ANKRD28: variants seen among roughly 807,000 people sequenced by gnomAD.
The protein encoded by ANKRD28 is ankyrin repeat domain 28, also known as serine/threonine-protein phosphatase 6 regulatory ankyrin repeat subunit A.
Under a neutral mutation model 126.5 loss-of-function variants are expected in ANKRD28, and 44 were observed. That is an observed-to-expected ratio of 0.35 (90% CI 0.27 to 0.45). ANKRD28 has a LOEUF of 0.45. Among genes scored for constraint, ANKRD28 ranks in the 20% least tolerant of loss-of-function variants. The pLI, the probability that ANKRD28 is intolerant of heterozygous loss-of-function variation, is 1.00. For missense variants in ANKRD28, 1,110 were observed against 1,316.6 expected, an observed-to-expected ratio of 0.84 and a Z score of 2.43; for synonymous variants, 442 against 468.5, an observed-to-expected ratio of 0.94 and a Z score of 0.73.
chr3:15,823,851 A>G (rs1355619322), intron 1 of ANKRD28, among the ~76,000 whole-genome samples: 1 of 152,248 alleles, frequency 6.6e-6, no homozygotes, highest in Non-Finnish European at 1.5e-5. Context: ...AAGCATTTAT[A>G]AAATCCACTA....
intron 1 of ANKRD28, among the ~76,000 whole-genome samples, chr3:15,831,088 C>A (rs2061178363): frequency 6.6e-6 from 1 of 152,144 alleles, no homozygotes; most frequent in Non-Finnish European, 1.5e-5. Flanking sequence ...CACCTTTACC[C>A]ACTGTTGGTT....
At chr3:15,791,707 A>G (rs756010627) in intron 2 of ANKRD28, among the ~76,000 whole-genome samples, 1 of 152,192 alleles carries the variant, frequency 6.6e-6, no homozygotes, top group East Asian at 1.9e-4. Flanking sequence ...TTCTTGAGCA[A>G]TAGCCCACAA....
At chr3:15,801,740 T>C (rs1197886823), upstream of ANKRD28, among the ~76,000 whole-genome samples, 2 of 152,188 alleles carry the variant, frequency 1.3e-5, no homozygotes, top group Non-Finnish European at 2.9e-5. The surrounding 1 kb of genome is among the most constrained non-coding windows in gnomAD (Gnocchi z 4.9). Flanking sequence ...TATGTGATTA[T>C]TAGAGCCACT....
chr3:15,765,437 AC>A (rs2058691505), intron 3 of ANKRD28, among the ~76,000 whole-genome samples: 1 of 152,162 alleles, frequency 6.6e-6, no homozygotes, highest in Non-Finnish European at 1.5e-5. Flanking sequence ...ACTATTTCTT[AC>A]TGTCTCCACT....
intron 2 of ANKRD28, among the ~76,000 whole-genome samples, chr3:15,782,003 T>C (rs2059560943): frequency 6.6e-6 from 1 of 152,132 alleles, no homozygotes; most frequent in Non-Finnish European, 1.5e-5. Context: ...CTTTTCTTCC[T>C]TACTACTCTT....
intron 8 of ANKRD28, among the ~76,000 whole-genome samples, chr3:15,714,984 T>C (rs994045405): frequency 6.6e-6 from 1 of 152,166 alleles, no homozygotes; most frequent in African/African-American, 2.4e-5. Flanking sequence ...GAATCCTTCC[T>C]TGACCAAGTA....
rs2069289840 is a variant in ANKRD28 at position 15,694,729 on chromosome 3, C to A, written c.1761+10G>T. 1 of 1,612,014 alleles carries A rather than the reference C, an allele frequency of 6.2e-7. No individual in the cohort carries two copies. The highest frequency in any genetic ancestry group is 8.5e-7 in the Non-Finnish European group (1 of 1,178,424). On this transcript the variant is annotated intron_variant, in intron 17 of 27. Coordinates refer to ENST00000683139, the MANE Select transcript of ANKRD28 (RefSeq NM_001349278.2). ...GCAGCCATCAAGTCGGCTATGAAGG[C>A]AGTACTCACAGCCAAGTGTAAAGGG...
chr3:15,741,052 A>G (rs2075422207), intron 4 of ANKRD28, among the ~76,000 whole-genome samples: 1 of 152,140 alleles, frequency 6.6e-6, no homozygotes, highest in South Asian at 2.1e-4. Context: ...TACAAAAATT[A>G]GCCAGGTGGG....
intron 2 of ANKRD28, among the ~76,000 whole-genome samples, chr3:15,776,058 T>C (rs1448033877): frequency 6.6e-6 from 1 of 152,140 alleles, no homozygotes; most frequent in African/African-American, 2.4e-5. Flanking sequence ...AAGACACTTA[T>C]CACCCCAGAA....
chr3:15,742,048 G>A (rs559881119), intron 4 of ANKRD28, among the ~76,000 whole-genome samples: 1 of 152,316 alleles, frequency 6.6e-6, no homozygotes, highest in East Asian at 1.9e-4. Context: ...GCTCAATGGT[G>A]CCCAGGCTGG....
intron 14 of ANKRD28, chr3:15,697,443 A>G (rs1276167257): frequency 6.6e-6 from 1 of 152,198 alleles, no homozygotes; most frequent in African/African-American, 2.4e-5. Context: ...CTATGTAACC[A>G]AAAACCACCT....
Position 15,833,482 on chromosome 3 carries a change from T to A in ANKRD28, c.27+25895A>T, listed in dbSNP as rs934690577. ...ACTTAAACTCCCCTTCATATATATA[T>A]AATATATAAAAATATACTACATATT... On this transcript the variant is annotated intron_variant, in intron 1 of 27. Coordinates refer to the ANKRD28 transcript ENST00000399451. The surrounding 1 kb of genome is among the most constrained non-coding windows in gnomAD (Gnocchi z 4.4). Among the ~76,000 whole-genome samples the A allele has an allele frequency of 6.7e-6, 1 of 148,762 alleles. No homozygotes were observed. The highest frequency in any genetic ancestry group is 1.5e-5 in the Non-Finnish European group (1 of 67,382).
chr3:15,702,988 T>TGG (rs1354377004), intron 14 of ANKRD28, among the ~76,000 whole-genome samples: 3 of 152,182 alleles, frequency 2.0e-5, no homozygotes, highest in Non-Finnish European at 4.4e-5. Flanking sequence ...TTTCACAGAT[T>TGG]AAATAGGCAC....
At chr3:15,747,198 T>C (rs144966238) in intron 4 of ANKRD28, among the ~76,000 whole-genome samples, 14,315 of 151,496 alleles carry the variant, frequency 0.094, 2,086 homozygotes, top group African/African-American at 0.31. Context: ...TTTCATTTAG[T>C]TCTGCTCTGA....
intron 2 of ANKRD28, among the ~76,000 whole-genome samples, chr3:15,790,362 C>T (rs929105006): frequency 3.3e-5 from 5 of 152,022 alleles, no homozygotes; most frequent in African/African-American, 4.8e-5. Context: ...AGGCCAGTAT[C>T]GCTGATGAGT....
intron 1 of ANKRD28, among the ~76,000 whole-genome samples, chr3:15,806,699 T>G (rs1264402325): frequency 6.6e-6 from 1 of 152,144 alleles, no homozygotes; most frequent in East Asian, 1.9e-4. Flanking sequence ...TTTTTGTATT[T>G]TTAGTAAAGA....
At chr3:15,792,918 T>C (rs1490388194) in intron 2 of ANKRD28, among the ~76,000 whole-genome samples, 1 of 152,106 alleles carries the variant, frequency 6.6e-6, no homozygotes, top group East Asian at 1.9e-4. Flanking sequence ...AAACGTGCTG[T>C]TTAGTGGTCT....
intron 2 of ANKRD28, among the ~76,000 whole-genome samples, chr3:15,784,290 GC>G (rs1448760264): frequency 1.8e-4 from 28 of 152,096 alleles, no homozygotes; most frequent in Non-Finnish European, 7.4e-5. Context: ...AATAATGGCA[GC>G]AATATAATGA....
At chr3:15,810,723 G>A (rs2060694880) in intron 1 of ANKRD28, among the ~76,000 whole-genome samples, 1 of 142,362 alleles carries the variant, frequency 7.0e-6, no homozygotes, top group Non-Finnish European at 1.5e-5. Flanking sequence ...TTTCCCCTAA[G>A]TAACATTGTC....
Sources: allele counts gnomAD v4.1 joint callset (sites outside exome capture counted in the v4.1 genomes callset), GRCh38; gene constraint gnomAD v4.1.1; non-coding constraint Gnocchi (gnomAD v3.1); transcripts MANE v1.5; gene names NCBI Gene and HGNC (gene_info 2026-07-23, HGNC 2026-07-21).